The following ERG variants were observed in gnomAD, a reference collection of about 807,000 sequenced individuals.
The protein encoded by ERG is transcriptional regulator ERG.
A neutral mutation model predicts 55.3 loss-of-function variants in ERG; 9 were observed. The ratio of observed to expected loss-of-function variants is 0.16; its 90% CI spans 0.10 to 0.28. ERG has a LOEUF of 0.28. Among genes scored for constraint, ERG ranks in the 10% least tolerant of loss-of-function variants. ERG has a pLI of 1.00. For synonymous variants in ERG, 223 were observed against 237.3 expected (o/e 0.94, Z 0.55); for missense variants, 434 against 631.6 (o/e 0.69, Z 3.35).
At position 38,382,936 on chromosome 21, in the gene ERG, C is replaced by G; in HGVS notation, c.*467G>C. On this transcript the variant is annotated 3_prime_UTR_variant, in exon 10 of 10. Coordinates refer to ENST00000288319, the MANE Select transcript of ERG (RefSeq NM_182918.4). ...CCACAGTCTCTCTCGTGTCTTTTCT[C>G]TTGTTTTTGATATGTTTCTATTTTT... The G allele has an allele frequency of 9.4e-7, 1 of 1,066,672 alleles. No homozygotes were observed. 66.1% of individuals were successfully genotyped at this position (1,066,672 alleles called of 1,614,324 possible).
intron 9 of ERG, among the ~76,000 whole-genome samples, chr21:38,388,836 C>T (rs879640109): frequency 6.6e-6 from 1 of 152,144 alleles, no homozygotes; most frequent in Non-Finnish European, 1.5e-5. Flanking sequence ...AAAGGGCATC[C>T]CCGGGCTGCT....
chr21:38,402,704 CT>C, intron 4 of ERG, 67 bp from the exon 5 acceptor site: 1 of 521,218 alleles, frequency 1.9e-6, no homozygotes, highest in Non-Finnish European at 2.9e-6. Flanking sequence ...AGAGAATTAC[CT>C]TTCTTACAAA....
rs553248576 is a variant in ERG, at chr21:38,451,142, G to A, written c.19-5521C>T. 8.0e-5 allele frequency: 39 copies of A among 488,410 alleles called. No individual in the cohort carries two copies. In the East Asian group the frequency reaches 1.9e-3, roughly 24 times the overall value. The allele number at this position is 488,410 out of a possible 1,614,324, so 30.3% of individuals were successfully genotyped here. On this transcript the variant is annotated intron_variant, in intron 1 of 9. Coordinates refer to ENST00000288319, the MANE Select transcript of ERG (RefSeq NM_182918.4). ...AGAGAGAGACAGAGAGAGAGAGGCT[G>A]GTAGAGGGAAGAGACAGAAGAAAGA...
upstream of ERG, chr21:38,498,580 G>T (rs957610483): frequency 3.7e-6 from 4 of 1,073,438 alleles, no homozygotes; most frequent in Non-Finnish European, 4.9e-6. This position sits in a 1 kb window ranked among gnomAD's most constrained non-coding sequence, Gnocchi z 4.6. Context: ...TGGGAGTGGA[G>T]AGATAAGAGA....
chr21:38,657,011 T>C (rs2060523562), intron 1 of ERG, among the ~76,000 whole-genome samples: 1 of 152,102 alleles, frequency 6.6e-6, no homozygotes, highest in African/African-American at 2.4e-5. Context: ...TTCAAAATCA[T>C]AGGTTAGGCT....
chr21:38,567,607 G>A (rs2059931066), intron 2 of ERG, among the ~76,000 whole-genome samples: 1 of 152,178 alleles, frequency 6.6e-6, no homozygotes, highest in African/African-American at 2.4e-5. Context: ...TCTCTTTTGA[G>A]TATATTCTCA....
At chr21:38,556,289 T>C (rs906745398) in intron 2 of ERG, among the ~76,000 whole-genome samples, 1 of 152,168 alleles carries the variant, frequency 6.6e-6, no homozygotes, top group African/African-American at 2.4e-5. Flanking sequence ...GATTAAAATG[T>C]TAATTGTATC....
intron 1 of ERG, among the ~76,000 whole-genome samples, chr21:38,661,141 G>A (rs2060553319): frequency 6.6e-6 from 1 of 151,468 alleles, no homozygotes; most frequent in African/African-American, 2.4e-5. Context: ...GAGGAGCAAG[G>A]GAAGGACCAG....
chr21:38,644,080 T>TC (rs1485507642), intron 1 of ERG, among the ~76,000 whole-genome samples: 2 of 152,166 alleles, frequency 1.3e-5, no homozygotes, highest in Non-Finnish European at 2.9e-5. Flanking sequence ...AGCCACTTTT[T>TC]CCCCTCTCCA....
At chr21:38,588,848 C>T (rs1327092370), upstream of ERG, among the ~76,000 whole-genome samples, 2 of 152,082 alleles carry the variant, frequency 1.3e-5, no homozygotes, top group Non-Finnish European at 2.9e-5. Flanking sequence ...ACCCAACTAG[C>T]TCAGACTATA....
At chr21:38,472,036 T>A (rs2059143870) in intron 1 of ERG, 1 of 152,094 alleles carries the variant, frequency 6.6e-6, no homozygotes, top group Non-Finnish European at 1.5e-5. Flanking sequence ...TCGTATAGCG[T>A]GTATGATGAG....
chr21:38,389,987 C>T (rs1246045415), intron 9 of ERG, among the ~76,000 whole-genome samples: 1 of 152,142 alleles, frequency 6.6e-6, no homozygotes, highest in Non-Finnish European at 1.5e-5. Context: ...CTTAATTATT[C>T]CATTTCGAAC....
chr21:38,458,764 A>C (rs2059013941), intron 1 of ERG, among the ~76,000 whole-genome samples: 1 of 152,122 alleles, frequency 6.6e-6, no homozygotes, highest in Non-Finnish European at 1.5e-5. Flanking sequence ...AAAATTGGCC[A>C]TACTTACTTA....
the ERG span, among the ~76,000 whole-genome samples, chr21:38,374,245 T>C: frequency 6.6e-6 from 1 of 152,246 alleles, no homozygotes; most frequent in Non-Finnish European, 1.5e-5. Context: ...TAATGTACAC[T>C]GACACACAGA....
chr21:38,460,699 T>C lies in ERG; in HGVS notation c.19-15078A>G, dbSNP rs570050354. Among the ~76,000 whole-genome samples, 2 of 152,250 alleles carry C rather than the reference T, an allele frequency of 1.3e-5. No homozygotes were observed. The highest frequency in any genetic ancestry group is 2.4e-5 in the African/African-American group (1 of 41,556). On this transcript the variant is annotated intron_variant, in intron 1 of 9. Coordinates refer to ENST00000288319, the MANE Select transcript of ERG (RefSeq NM_182918.4). This position sits in a 1 kb window ranked among gnomAD's most constrained non-coding sequence, Gnocchi z 5.0. The stretch of plus-strand genomic sequence containing the variant: ...AGGCTCCCACCCACCCATCCACTAA[T>C]AGGGCAGCCTTTAGGGAAACTGACT...
intron 1 of ERG, chr21:38,451,095 G>T: frequency 2.2e-6 from 1 of 456,858 alleles, no homozygotes; most frequent in Non-Finnish European, 4.4e-6. Context: ...GCCTGCTCTT[G>T]CCATGAGAGA....
intron 2 of ERG, among the ~76,000 whole-genome samples, chr21:38,431,958 T>C (rs1004339184): frequency 2.6e-5 from 4 of 152,062 alleles, no homozygotes; most frequent in East Asian, 1.9e-4. Context: ...TGGCTGCCAT[T>C]GGAAAGATCA....
intron 1 of ERG, among the ~76,000 whole-genome samples, chr21:38,485,024 TAATTGTAA>T (rs1253029328): frequency 6.6e-6 from 1 of 152,026 alleles, no homozygotes; most frequent in Admixed American, 6.5e-5. Flanking sequence ...AAAAAAAAGT[TAATTGTAA>T]AACAGCCTCA....
intron 2 of ERG, among the ~76,000 whole-genome samples, chr21:38,521,248 G>A (rs900322788): frequency 1.3e-5 from 2 of 152,156 alleles, no homozygotes; most frequent in African/African-American, 2.4e-5. Context: ...CTCAAAGTGC[G>A]GCTACTACAC....
Sources: gnomAD v4.1 joint callset for allele counts (sites outside exome capture counted in the v4.1 genomes callset) on GRCh38, gnomAD v4.1.1 for gene constraint, Gnocchi (gnomAD v3.1) non-coding constraint, MANE v1.5 for transcripts, NCBI Gene and HGNC (gene_info 2026-07-23, HGNC 2026-07-21) for gene names.